Variants in CXADR observed in about 807,000 individuals in gnomAD.
CXADR encodes the protein CXADR cell adhesion molecule, also known as coxsackievirus and adenovirus receptor.
Under a neutral mutation model 40.3 loss-of-function variants are expected in CXADR, and 20 were observed. The observed-to-expected ratio is 0.50, with a 90% CI of 0.35 to 0.72. The LOEUF (loss-of-function observed/expected upper bound fraction) is 0.72, where lower values mean the gene tolerates loss of function less well. CXADR is among the 30% of genes least tolerant of loss of function. The pLI, the probability that CXADR is intolerant of heterozygous loss-of-function variation, is 0.01. For synonymous variants in CXADR, 150 were observed against 161.3 expected (o/e 0.93, Z 0.53); for missense variants, 332 against 449.1 (o/e 0.74, Z 2.36).
At chr21:17,589,563 G>C (rs533941314) in intron 7 of CXADR, among the ~76,000 whole-genome samples, 1 of 146,454 alleles carries the variant, frequency 6.8e-6, no homozygotes, top group Non-Finnish European at 1.5e-5. Flanking sequence ...GACAATACTA[G>C]CACCATTCTA....
chr21:17,562,045 A>G (rs930793766), intron 6 of CXADR, among the ~76,000 whole-genome samples: 1 of 152,220 alleles, frequency 6.6e-6, no homozygotes. Flanking sequence ...GATAAATCAC[A>G]TGAATGTTTT....
At chr21:17,528,915 G>A (rs921575015) in intron 1 of CXADR, among the ~76,000 whole-genome samples, 1 of 151,894 alleles carries the variant, frequency 6.6e-6, no homozygotes, top group African/African-American at 2.4e-5. Context: ...TCCAGCTCCC[G>A]TTCCTGATGT....
intron 1 of CXADR, among the ~76,000 whole-genome samples, chr21:17,527,820 A>T (rs905621906): frequency 2.0e-5 from 3 of 150,094 alleles, no homozygotes; most frequent in African/African-American, 7.3e-5. Flanking sequence ...TTATTTATTT[A>T]TTTTTTAATG....
intron 6 of CXADR, 150 bp from the exon 7 acceptor site, chr21:17,565,278 T>C: frequency 5.4e-6 from 4 of 734,572 alleles, no homozygotes; most frequent in Non-Finnish European, 8.5e-6. Flanking sequence ...TTTTGCTTTT[T>C]TGTGACACAC....
Position 17,560,849 on chromosome 21 carries a change from GGTTTT to G in CXADR, c.694+30_694+34del, listed in dbSNP as rs754303085. ...CGTAAGTTATCTTCTTTCTGTTGGT[GGTTTT>G]GTTTCTGTTATCTTTATACCACCTC... On this transcript the variant is annotated intron_variant, in intron 5 of 6. Transcript: ENST00000284878. The G allele has an allele frequency of 6.1e-5, 98 of 1,611,120 alleles. No individual in the cohort carries two copies. The African/African-American group carries it at 1.2e-3, about 19-fold the overall frequency.
intron 7 of CXADR, among the ~76,000 whole-genome samples, chr21:17,589,264 CTG>C (rs2061418403): frequency 6.6e-6 from 1 of 152,130 alleles, no homozygotes; most frequent in East Asian, 1.9e-4. Context: ...AAACATAAAA[CTG>C]TAGCCACATT....
chr21:17,522,354 G>A (rs1438419566), intron 1 of CXADR, among the ~76,000 whole-genome samples: 5 of 152,052 alleles, frequency 3.3e-5, no homozygotes, highest in Admixed American at 3.3e-4. Context: ...CTCCATGTTA[G>A]TCAGGCTGGT....
chr21:17,528,943 C>A (rs1184370974), intron 1 of CXADR, among the ~76,000 whole-genome samples: 9 of 151,912 alleles, frequency 5.9e-5, no homozygotes, highest in African/African-American at 1.9e-4. Flanking sequence ...TTCTCCGGGG[C>A]AGTTTCTTTG....
chr21:17,569,217 A>G lies in CXADR; in HGVS notation c.*3525A>G. The stretch of plus-strand genomic sequence containing the variant: ...TTTTTCTTCTAATTTTCACTTCAGC[A>G]GTGTTTAGGGCTTTCAGATGCCTTA... On this transcript the variant is annotated 3_prime_UTR_variant, in exon 7 of 7. Transcript: ENST00000284878. 1 of 985,388 alleles carries G rather than the reference A, an allele frequency of 1.0e-6. No individual in the cohort carries two copies. The highest frequency in any genetic ancestry group is 1.2e-6 in the Non-Finnish European group (1 of 829,916). The allele number at this position is 985,388 out of a possible 1,614,324, so 61.0% of individuals were successfully genotyped here.
At chr21:17,548,433 A>AT (rs2060925522) in intron 2 of CXADR, among the ~76,000 whole-genome samples, 1 of 152,090 alleles carries the variant, frequency 6.6e-6, no homozygotes, top group Admixed American at 6.5e-5. Context: ...GGCCTGACTC[A>AT]TTTTATCTAC....
At position 17,513,164 on chromosome 21, in the gene CXADR, G is replaced by C. The variant is rs868599823; in HGVS notation, c.35G>C (p.Gly12Ala). The C allele has an allele frequency of 3.7e-6, 5 of 1,367,006 alleles. No homozygotes were observed. In the African/African-American group the frequency reaches 7.6e-5, roughly 21 times the overall value. The allele number at this position is 1,367,006 out of a possible 1,614,324, so 84.7% of individuals were successfully genotyped here. ...CTGCTGTGCTTCGTGCTCCTGTGCG[G>C]AGTAGTGGGTGAGTAGGGGCCATGG... ...ALLLCFVLLC[G>A]VVDFARSLSI... Residue 12 changes from glycine to alanine, a missense_variant, in exon 1 of 7, where the codon GGA (glycine) becomes GCA (alanine). Gly to Ala is a moderately conservative substitution (Grantham distance 60, BLOSUM62 0). Around this residue, in one of 3 missense-constraint regions of CXADR, gnomAD observed 162 missense variants for 198.5 expected, o/e 0.82. Coordinates refer to ENST00000284878, the MANE Select transcript of CXADR (RefSeq NM_001338.5).
intron 6 of CXADR, 45 bp downstream of exon 6, chr21:17,561,521 G>A (rs765611350): frequency 7.2e-6 from 11 of 1,520,832 alleles, no homozygotes; most frequent in Admixed American, 1.9e-5. Flanking sequence ...CCAAATATAT[G>A]TCATTTCTCT....
In CXADR at chr21:17,568,045, G is replaced by GA; in HGVS notation, c.*2355dup. 1.0e-6 allele frequency: 1 copy of GA among 983,078 alleles called. No individual in the cohort carries two copies. Among genetic ancestry groups the GA allele is most frequent in the Non-Finnish European group, 1.2e-6 (1 of 829,566 alleles). The allele number at this position is 983,078 out of a possible 1,614,324, so 60.9% of individuals were successfully genotyped here. On this transcript the variant is annotated 3_prime_UTR_variant, in exon 7 of 7. Coordinates refer to ENST00000284878, the MANE Select transcript of CXADR (RefSeq NM_001338.5). ...AACCAGAGATCAAATATTTGCTCCC[G>GA]AATTACTACTGGTAATCAAGTAGTT... is the stretch of plus-strand genomic sequence containing the variant.
intron 1 of CXADR, among the ~76,000 whole-genome samples, chr21:17,526,054 C>A (rs77002129): frequency 2.0e-5 from 3 of 152,168 alleles, no homozygotes. Context: ...AAATGTTTTT[C>A]GTACTTTGCC....
intron 4 of CXADR, among the ~76,000 whole-genome samples, chr21:17,559,685 T>G (rs918682221): frequency 3.4e-5 from 5 of 147,224 alleles, no homozygotes; most frequent in African/African-American, 1.0e-4. Context: ...TTTTTTTTTT[T>G]TTTTTTCCGA....
At chr21:17,523,548 AGTC>A (rs2060557514) in intron 1 of CXADR, among the ~76,000 whole-genome samples, 1 of 152,146 alleles carries the variant, frequency 6.6e-6, no homozygotes. Flanking sequence ...CTGTCATAGA[AGTC>A]ATCATCAGAT....
chr21:17,626,666 T>C, the CXADR span, among the ~76,000 whole-genome samples: 1 of 152,228 alleles, frequency 6.6e-6, no homozygotes, highest in East Asian at 1.9e-4. Context: ...AAATAATGAG[T>C]GGCACAGACA....
intron 2 of CXADR, among the ~76,000 whole-genome samples, chr21:17,550,344 A>G (rs2060950323): frequency 1.1e-5 from 1 of 94,968 alleles, no homozygotes; most frequent in African/African-American, 3.9e-5. Context: ...ATAGAACAAG[A>G]CTGTCTCAAA....
intron 3 of CXADR, among the ~76,000 whole-genome samples, chr21:17,553,539 A>G (rs1426807370): frequency 1.3e-5 from 2 of 152,116 alleles, no homozygotes; most frequent in Non-Finnish European, 2.9e-5. Flanking sequence ...CTGTGTCTTC[A>G]TTGAGTAAAC....
Sources: gnomAD v4.1 joint callset for allele counts (sites outside exome capture counted in the v4.1 genomes callset) on GRCh38, gnomAD v4.1.1 for gene constraint, gnomAD v4.1.1 regional missense constraint, MANE v1.5 for transcripts, NCBI Gene and HGNC (gene_info 2026-07-23, HGNC 2026-07-21) for gene names.